The following DOCK8 variants were observed in gnomAD, a reference collection of about 807,000 sequenced individuals.
DOCK8 encodes the protein dedicator of cytokinesis protein 8.
In DOCK8, 141 loss-of-function variants were observed where a neutral mutation model predicts 245.6. The observed-to-expected ratio is 0.57, with a 90% CI of 0.50 to 0.66. The LOEUF is 0.66. DOCK8 is among the 30% of genes least tolerant of loss of function. DOCK8 has a pLI of 0.00. For missense variants in DOCK8, 2,965 were observed against 2,603.4 expected, an observed-to-expected ratio of 1.14 and a Z score of -3.02; for synonymous variants, 1,168 against 970.2, an observed-to-expected ratio of 1.20 and a Z score of -3.79.
At chr9:429,904 A>T in intron 36 of DOCK8, 50 bp downstream of exon 36, 1 of 1,606,980 alleles carries the variant, frequency 6.2e-7, no homozygotes, top group Non-Finnish European at 8.5e-7. Context: ...AGAAAAATTG[A>T]TGTAAAGCAT....
At chr9:303,430 A>G (rs2049653122) in intron 4 of DOCK8, among the ~76,000 whole-genome samples, 1 of 152,232 alleles carries the variant, frequency 6.6e-6, no homozygotes. Context: ...TTTGGTACAT[A>G]TACACCATGA....
At chr9:221,776 C>G (rs1587608202) in intron 1 of DOCK8, among the ~76,000 whole-genome samples, 1 of 150,978 alleles carries the variant, frequency 6.6e-6, no homozygotes, top group African/African-American at 2.4e-5. Flanking sequence ...GAGCCGAGAT[C>G]GCACCACTGC....
intron 18 of DOCK8, among the ~76,000 whole-genome samples, chr9:373,053 G>T (rs1265400753): frequency 6.6e-6 from 1 of 152,182 alleles, no homozygotes; most frequent in Non-Finnish European, 1.5e-5. Flanking sequence ...TGTAATCCCA[G>T]CTACTCGGGA....
At position 400,869 on chromosome 9, in the gene DOCK8, TCACCACCACCTCCACCACCAC is replaced by T. The variant is rs1488160897; in HGVS notation, c.3234+1615_3234+1635del. ...TCCACCATCACCACCTCCTCCACCA[TCACCACCACCTCCACCACCAC>T]CACCTCCCCCACTACCAACAGCTCC... is the stretch of plus-strand genomic sequence containing the variant. On this transcript the variant is annotated intron_variant, in intron 26 of 47. Transcript: ENST00000432829. Among the ~76,000 whole-genome samples, 2 of 26,184 alleles carry T rather than the reference TCACCACCACCTCCACCACCAC, an allele frequency of 7.6e-5. 1 individual carries two copies. Among genetic ancestry groups the T allele is most frequent in the Non-Finnish European group, 1.2e-4 (2 of 17,148 alleles). The allele number at this position is 26,184 out of a possible 152,430, so 17.2% of individuals were successfully genotyped here.
intron 1 of DOCK8, among the ~76,000 whole-genome samples, chr9:267,697 A>G (rs989848623): frequency 6.6e-6 from 1 of 152,212 alleles, no homozygotes; most frequent in Non-Finnish European, 1.5e-5. Context: ...CTTACTTTAT[A>G]TGCAGGTTTC....
Position 372,292 on chromosome 9 carries a change from T to C in DOCK8, c.2109+6T>C. Reference sequence around the variant, plus strand: ...ACTCCATGCATTCTGCTGAGGTAATTGGCAAGCTGGCCATCAGCTGTTTCT... The same window carrying C: ...ACTCCATGCATTCTGCTGAGGTAATCGGCAAGCTGGCCATCAGCTGTTTCT... On this transcript the variant is annotated splice_donor_region_variant and intron_variant, in intron 18 of 47. Transcript: ENST00000432829. The C allele has an allele frequency of 6.2e-7, 1 of 1,609,036 alleles. No individual in the cohort carries two copies. The highest frequency in any genetic ancestry group is 8.5e-7 in the Non-Finnish European group (1 of 1,175,510).
intron 28 of DOCK8, among the ~76,000 whole-genome samples, chr9:407,837 A>C (rs2055513070): frequency 6.6e-6 from 1 of 152,220 alleles, no homozygotes; most frequent in Non-Finnish European, 1.5e-5. Flanking sequence ...TGCACAAAAC[A>C]GACAAAATTC....
chr9:317,650 T>A (rs2050405112), intron 7 of DOCK8, among the ~76,000 whole-genome samples: 2 of 152,170 alleles, frequency 1.3e-5, no homozygotes, highest in Non-Finnish European at 2.9e-5. Context: ...TAAATGCAAC[T>A]GAAACTCAGT....
intron 2 of DOCK8, among the ~76,000 whole-genome samples, chr9:272,019 A>C (rs560600217): frequency 1.3e-5 from 2 of 152,290 alleles, no homozygotes; most frequent in African/African-American, 4.8e-5. Context: ...TATTTGGGGG[A>C]GAAGGGCTAG....
At chr9:406,499 A>G (rs2055423743) in intron 27 of DOCK8, among the ~76,000 whole-genome samples, 1 of 84,026 alleles carries the variant, frequency 1.2e-5, no homozygotes, top group Admixed American at 1.3e-4. Flanking sequence ...AAAAAAAAAA[A>G]AAAAAAAAAA....
At chr9:356,245 T>C (rs1262424892) in intron 14 of DOCK8, among the ~76,000 whole-genome samples, 2 of 152,142 alleles carry the variant, frequency 1.3e-5, no homozygotes, top group South Asian at 4.1e-4. Flanking sequence ...GTAAAAAATT[T>C]TGGCTGGGCG....
intron 27 of DOCK8, 93 bp from the exon 28 acceptor site, chr9:406,837 G>A (rs908164095): frequency 1.7e-5 from 26 of 1,568,094 alleles, no homozygotes; most frequent in Non-Finnish European, 2.0e-5. Flanking sequence ...GGCTCACGAA[G>A]CCTGGCTGGG....
intron 39 of DOCK8, among the ~76,000 whole-genome samples, chr9:435,724 G>C (rs1386220966): frequency 1.3e-5 from 2 of 152,206 alleles, no homozygotes; most frequent in Non-Finnish European, 2.9e-5. Flanking sequence ...GAAATTGTCT[G>C]CCAGACCTAA....
intron 23 of DOCK8, among the ~76,000 whole-genome samples, chr9:388,247 G>C (rs752135007): frequency 6.6e-6 from 1 of 152,102 alleles, no homozygotes; most frequent in African/African-American, 2.4e-5. Flanking sequence ...TCAACCCCAC[G>C]CCTCTCTCAA....
At chr9:271,507 G>T in intron 1 of DOCK8, 120 bp from the exon 2 acceptor site, 1 of 765,384 alleles carries the variant, frequency 1.3e-6, no homozygotes, top group Non-Finnish European at 2.2e-6. Context: ...ATCTTAGTCA[G>T]TTCTGCTCAT....
intron 46 of DOCK8, among the ~76,000 whole-genome samples, chr9:460,987 T>C (rs2057785638): frequency 6.6e-6 from 1 of 152,240 alleles, no homozygotes; most frequent in Non-Finnish European, 1.5e-5. Flanking sequence ...CATACAGCCA[T>C]TATTCTGTCC....
intron 1 of DOCK8, chr9:267,965 T>G (rs1275612132): frequency 2.6e-5 from 4 of 152,218 alleles, no homozygotes; most frequent in Non-Finnish European, 5.9e-5. Flanking sequence ...GTTTCATAGT[T>G]CTGGTTGCAT....
At chr9:218,491 G>A (rs2046813070) in intron 1 of DOCK8, among the ~76,000 whole-genome samples, 2 of 152,166 alleles carry the variant, frequency 1.3e-5, no homozygotes, top group African/African-American at 4.8e-5. Flanking sequence ...CTAGATCTAA[G>A]TTAGGCAGTT....
At chr9:403,962 A>ATATATATATATATGTG (rs1304036007) in intron 26 of DOCK8, among the ~76,000 whole-genome samples, 9 of 66,172 alleles carry the variant, frequency 1.4e-4, no homozygotes, top group East Asian at 1.2e-3. Context: ...ATATATATGT[A>ATATATATATATATGTG]TATATATATA....
Sources: allele counts gnomAD v4.1 joint callset (sites outside exome capture counted in the v4.1 genomes callset), GRCh38; gene constraint gnomAD v4.1.1; transcripts MANE v1.5; gene names NCBI Gene and HGNC (gene_info 2026-07-23, HGNC 2026-07-21).